CEP131: variants seen among roughly 807,000 people sequenced by gnomAD.
CEP131 encodes centrosomal protein of 131 kDa.
In CEP131, 99 loss-of-function variants were observed where a neutral mutation model predicts 136.8. That is an observed-to-expected ratio of 0.72 (90% CI 0.62 to 0.86). The LOEUF (loss-of-function observed/expected upper bound fraction) is 0.86. Among genes scored for constraint, CEP131 ranks in the 40% least tolerant of loss-of-function variants. The pLI, the probability that CEP131 is intolerant of heterozygous loss-of-function variation, is 0.00. For synonymous variants in CEP131, 646 were observed against 612.7 expected, an observed-to-expected ratio of 1.05 and a Z score of -0.80; for missense variants, 1,459 against 1,463.0, an observed-to-expected ratio of 1.00 and a Z score of 0.04.
At chr17:81,197,498 A>G (rs1199166241) in intron 13 of CEP131, 3 of 715,284 alleles carry the variant, frequency 4.2e-6, no homozygotes, top group Non-Finnish European at 6.6e-6. Context: ...TGCCACCTCC[A>G]CCCTGAGAGA....
At chr17:81,191,502 G>A (rs2061641853) in intron 21 of CEP131, among the ~76,000 whole-genome samples, 167 bp from the exon 22 acceptor site, 1 of 152,134 alleles carries the variant, frequency 6.6e-6, no homozygotes, top group Non-Finnish European at 1.5e-5. Context: ...CTGTTGTCAG[G>A]ACCCAGTGTG....
In CEP131 at chr17:81,199,388, G is replaced by A. The variant is rs1297043139; in HGVS notation, c.1185C>T (p.Asn395=). Residue 395 remains asparagine, a synonymous_variant, in exon 10 of 26, where the codon AAC becomes AAT. Transcript: ENST00000450824. ...GCGTGGAGCCACTCTCACCAGTATT[G>A]TTGGCCTTGAGGGCCTGGTGGGCAG... ...GGTAHQALKA[N]NTGGGLPAAG... The A allele has an allele frequency of 6.2e-7, 1 of 1,602,972 alleles. No homozygotes were observed. The highest frequency in any genetic ancestry group is 1.7e-5 in the Admixed American group (1 of 58,628).
intron 2 of CEP131, among the ~76,000 whole-genome samples, chr17:81,210,367 C>T (rs557244610): frequency 3.9e-5 from 6 of 152,242 alleles, no homozygotes; most frequent in African/African-American, 1.2e-4. Flanking sequence ...GTCAGGAGAT[C>T]AAGACCATCC....
intron 2 of CEP131, among the ~76,000 whole-genome samples, chr17:81,210,207 G>A (rs990710352): frequency 3.3e-5 from 5 of 151,984 alleles, no homozygotes; most frequent in Admixed American, 1.3e-4. Context: ...CCTCCAAATC[G>A]GCCAGATGCA....
In CEP131 at chr17:81,192,528, G is replaced by A. The variant is rs753241511; in HGVS notation, c.2495C>T (p.Ala832Val). ...LEESSSALTR[A>V]LRAEFEKGRE... Reference sequence around the variant, plus strand: ...GCCCTTCTCAAACTCAGCCCTCAGGGCTCGGGTCAGTGCAGAGCTGCTCTC... The same window carrying A: ...GCCCTTCTCAAACTCAGCCCTCAGGACTCGGGTCAGTGCAGAGCTGCTCTC... Residue 832 changes from alanine (A) to valine (V), a missense_variant, in exon 20 of 26, where the codon GCC becomes GTC. This residue lies in a region of CEP131 where 1,026 missense variants were observed against 964.2 expected (regional missense o/e 1.06). Coordinates refer to ENST00000450824, the MANE Select transcript of CEP131 (RefSeq NM_014984.4). The A allele has an allele frequency of 1.9e-6, 3 of 1,610,850 alleles. No homozygotes were observed. The highest frequency in any genetic ancestry group is 3.3e-5 in the Admixed American group (2 of 59,904).
Position 81,189,694 on chromosome 17 carries a change from C to T in CEP131, c.*75G>A. 6.9e-7 allele frequency: 1 copy of T among 1,459,826 alleles called. No individual in the cohort carries two copies. Among genetic ancestry groups the T allele is most frequent in the Non-Finnish European group, 9.2e-7 (1 of 1,090,524 alleles). The allele number at this position is 1,459,826 out of a possible 1,614,324, so 90.4% of individuals were successfully genotyped here. A position where few individuals can be genotyped will look rare whatever the true frequency, so the allele number is the denominator to read the frequency against. On this transcript the variant is annotated 3_prime_UTR_variant, in exon 26 of 26. Coordinates refer to ENST00000450824, the MANE Select transcript of CEP131 (RefSeq NM_014984.4). ...CTCTGTGGGGGGCAGGTGGGCGTCCCTGTGGGCCTCTGGGCCCACGTCCAG... is the reference window on the plus strand; with the variant it reads ...CTCTGTGGGGGGCAGGTGGGCGTCCTTGTGGGCCTCTGGGCCCACGTCCAG...
In CEP131 at chr17:81,190,643, G is replaced by C. The variant is rs757751041; in HGVS notation, c.3103C>G (p.Arg1035Gly). 3.2e-6 allele frequency: 5 copies of C among 1,585,762 alleles called. No homozygotes were observed. Among genetic ancestry groups the C allele is most frequent in the Non-Finnish European group, 3.4e-6 (4 of 1,170,740 alleles). ...CCTGCAGCCCCCGCCGCCCACCTCC[G>C]GTGCACCTCCTCCAGCTCCAGCTGC... ...RQQLELEEVH[R>G]RVKTALARKE... Residue 1035 changes from arginine (R) to glycine (G), a missense_variant, in exon 24 of 26, where the codon CGG (arginine) becomes GGG (glycine). This residue lies in a region of CEP131 where 1,026 missense variants were observed against 964.2 expected (regional missense o/e 1.06). Transcript: ENST00000450824.
At chr17:81,200,012 G>A (rs2061854647) in intron 8 of CEP131, 177 bp from the exon 9 acceptor site, 3 of 677,946 alleles carry the variant, frequency 4.4e-6, no homozygotes, top group East Asian at 5.3e-5. Flanking sequence ...CTCTACAGAG[G>A]ATGAGCCCTA....
At chr17:81,197,460 G>A in intron 13 of CEP131, 1 of 584,288 alleles carries the variant, frequency 1.7e-6, no homozygotes, top group South Asian at 2.1e-5. Context: ...CAGCGGGTAG[G>A]TGGGGGCAGT....
chr17:81,192,685 G>GGGGGGGGGGCCCCCC, intron 19 of CEP131, 51 bp downstream of exon 19: 2 of 478,414 alleles, frequency 4.2e-6, no homozygotes, highest in Non-Finnish European at 8.1e-6. Context: ...GGGGGGAGGG[G>GGGGGGGGGGCCCCCC]TCAGCCAGCG....
intron 11 of CEP131, 109 bp from the exon 12 acceptor site, chr17:81,198,406 T>C: frequency 8.7e-7 from 1 of 1,150,316 alleles, no homozygotes; most frequent in Non-Finnish European, 1.2e-6. Context: ...AGCTCCCCAG[T>C]CCCGACATTC....
chr17:81,203,652 G>C lies in CEP131; in HGVS notation c.516-45C>G. ...ACAGGAATGGTCAGGCCTCTGGAGG[G>C]GACGCCTGAGATCTCAGAGCTACAC... On this transcript the variant is annotated intron_variant, in intron 5 of 25. Coordinates refer to ENST00000450824, the MANE Select transcript of CEP131 (RefSeq NM_014984.4). The surrounding 1 kb of genome is among the most constrained non-coding windows in gnomAD (Gnocchi z 4.6). The C allele has an allele frequency of 6.2e-6, 9 of 1,454,642 alleles. No homozygotes were observed. Among genetic ancestry groups the C allele is most frequent in the Non-Finnish European group, 8.5e-6 (9 of 1,063,812 alleles). The allele number at this position is 1,454,642 out of a possible 1,614,324, so 90.1% of individuals were successfully genotyped here.
At position 81,193,965 on chromosome 17, in the gene CEP131, T is replaced by G. The variant is rs1182708857; in HGVS notation, c.2282A>C (p.Glu761Ala). 1 of 1,544,298 alleles carries G rather than the reference T, an allele frequency of 6.5e-7. No homozygotes were observed. Among genetic ancestry groups the G allele is most frequent in the Non-Finnish European group, 8.7e-7 (1 of 1,144,514 alleles). Residue 761 changes from glutamate (E) to alanine (A), a missense_variant, in exon 18 of 26, where the codon GAG (glutamate) becomes GCG (alanine). Around this residue, in one of 3 missense-constraint regions of CEP131, gnomAD observed 1,026 missense variants for 964.2 expected, o/e 1.06. Coordinates refer to ENST00000450824, the MANE Select transcript of CEP131 (RefSeq NM_014984.4). ...TTCGCGCTCCTGCTGGCCCAGCGCC[T>G]CCTTCTCCCGCTCCAGCTGCTCCCG... ...ELREQLEREK[E>A]ALGQQERERA...
rs777206068 is a variant in CEP131, at chr17:81,196,870, C to CCTGG, written c.1774-48_1774-45dup. On this transcript the variant is annotated intron_variant, in intron 14 of 25. Transcript: ENST00000450824. ...GGAGGGAAGCGCTAGGACCGGTGGG[C>CCTGG]CTGGCCTCAGCAGGTAGGAGGCTAG... 5.4e-5 allele frequency: 86 copies of CCTGG among 1,602,572 alleles called. 2 individuals are homozygous for CCTGG. The South Asian group carries it at 7.5e-4, about 14-fold the overall frequency.
intron 5 of CEP131, among the ~76,000 whole-genome samples, chr17:81,206,088 C>T (rs2062003393): frequency 6.6e-6 from 1 of 152,008 alleles, no homozygotes. Flanking sequence ...GTGGCACGTG[C>T]TTATAATCTC....
At chr17:81,197,690 G>A in intron 13 of CEP131, 22 bp downstream of exon 13, 2 of 1,597,326 alleles carry the variant, frequency 1.3e-6, no homozygotes, top group African/African-American at 2.7e-5. Context: ...TGGGGGCCGG[G>A]TGCGGGCTGG....
chr17:81,201,346 G>A (rs2061886372), intron 7 of CEP131, among the ~76,000 whole-genome samples: 1 of 152,178 alleles, frequency 6.6e-6, no homozygotes, highest in Admixed American at 6.5e-5. Context: ...AGTCCAGGCA[G>A]GGAGGTACCC....
Position 81,198,310 on chromosome 17 carries a change from A to G in CEP131, c.1288-13T>C. On this transcript the variant is annotated splice_polypyrimidine_tract_variant and intron_variant, in intron 11 of 25. Transcript: ENST00000450824. ...GGGCAAGAACGTCCTGCAAAAGAGC[A>G]GGGAGACAGATGCAGCAAGGCTGCT... The G allele has an allele frequency of 6.3e-7, 1 of 1,581,272 alleles. No individual in the cohort carries two copies. Among genetic ancestry groups the G allele is most frequent in the Non-Finnish European group, 8.6e-7 (1 of 1,161,440 alleles).
chr17:81,192,846 G>A lies in CEP131; in HGVS notation c.2322-3C>T. 3 of 1,596,880 alleles carry A rather than the reference G, an allele frequency of 1.9e-6. No individual in the cohort carries two copies. The highest frequency in any genetic ancestry group is 2.5e-6 in the Non-Finnish European group (3 of 1,178,982). On this transcript the variant is annotated splice_polypyrimidine_tract_variant and splice_region_variant and intron_variant, in intron 18 of 25. Transcript: ENST00000450824. The stretch of plus-strand genomic sequence containing the variant: ...CCTGCTCCAGGTGCTGCTGGAACCT[G>A]CGGGACGGTCAGGACTGGCTCTCGG...
Sources: gnomAD v4.1 joint callset for allele counts (sites outside exome capture counted in the v4.1 genomes callset) on GRCh38, gnomAD v4.1.1 for gene constraint, gnomAD v4.1.1 regional missense constraint, Gnocchi (gnomAD v3.1) non-coding constraint, MANE v1.5 for transcripts, NCBI Gene and HGNC (gene_info 2026-07-23, HGNC 2026-07-21) for gene names.